Variants in NELL1 observed in about 807,000 individuals in gnomAD.
NELL1 encodes the protein neural EGFL like 1.
NELL1 carries 76 observed loss-of-function variants against 107.4 expected under a neutral mutation model. The ratio of observed to expected loss-of-function variants is 0.71; its 90% confidence interval spans 0.59 to 0.86. The LOEUF is 0.86. Among genes scored for constraint, NELL1 ranks in the 40% least tolerant of loss-of-function variants. The pLI, the probability that NELL1 is intolerant of heterozygous loss-of-function variation, is 0.00. For missense variants in NELL1, 1,024 were observed against 1,005.5 expected (o/e 1.02, Z -0.25); for synonymous variants, 353 against 341.2 (o/e 1.03, Z -0.38).
intron 16 of NELL1, among the ~76,000 whole-genome samples, chr11:21,558,108 GTGAAAGTAGTACAGGAA>G (rs1435555283): frequency 1.3e-5 from 2 of 151,896 alleles, no homozygotes; most frequent in East Asian, 3.9e-4. Context: ...CTGCGTAGGA[GTGAAAGTAGTACAGGAA>G]GGAAAGTGCT....
chr11:20,711,576 T>C (rs1017932096), intron 2 of NELL1, among the ~76,000 whole-genome samples: 1 of 152,172 alleles, frequency 6.6e-6, no homozygotes, highest in Non-Finnish European at 1.5e-5. Context: ...GCTGGCTTGG[T>C]ACTGGCAAAT....
rs554675566 is a variant in NELL1, at chr11:21,454,040, C to T, written c.1646-80334C>T. ...TGCGCTGCACCCACTAACTTGTCAT[C>T]TAGCATTAGGTATATCTCCCAATGC... On this transcript the variant is annotated intron_variant, in intron 15 of 19. Transcript: ENST00000357134. Among the ~76,000 whole-genome samples, 12 of 146,534 alleles carry T rather than the reference C, an allele frequency of 8.2e-5. No individual in the cohort carries two copies. The East Asian group carries it at 2.4e-3, about 29-fold the overall frequency.
At chr11:21,434,311 T>C (rs1250356524) in intron 15 of NELL1, among the ~76,000 whole-genome samples, 1 of 152,132 alleles carries the variant, frequency 6.6e-6, no homozygotes, top group African/African-American at 2.4e-5. Flanking sequence ...TCTAGTAGGT[T>C]TTATAGTTTC....
chr11:21,061,983 T>C (rs1853752957), intron 12 of NELL1, among the ~76,000 whole-genome samples: 1 of 152,230 alleles, frequency 6.6e-6, no homozygotes, highest in African/African-American at 2.4e-5. Context: ...TAGGCAGGAC[T>C]TGCCTCAGAC....
chr11:21,277,069 G>T (rs1465476275), intron 14 of NELL1, among the ~76,000 whole-genome samples: 2 of 151,366 alleles, frequency 1.3e-5, no homozygotes, highest in African/African-American at 4.9e-5. Flanking sequence ...AAACTAAAGA[G>T]CTTCTGCACA....
intron 14 of NELL1, among the ~76,000 whole-genome samples, chr11:21,317,175 T>A (rs1228230967): frequency 1.3e-5 from 2 of 152,038 alleles, no homozygotes; most frequent in African/African-American, 2.4e-5. Flanking sequence ...AGCCACTACA[T>A]TACTATTTCC....
intron 2 of NELL1, among the ~76,000 whole-genome samples, chr11:20,764,293 A>G (rs1049075977): frequency 1.1e-4 from 16 of 152,202 alleles, no homozygotes; most frequent in Non-Finnish European, 1.0e-4. Context: ...CATATGTGTT[A>G]CAATTATGGT....
chr11:20,992,859 C>A (rs1852006693), intron 12 of NELL1, among the ~76,000 whole-genome samples: 1 of 152,020 alleles, frequency 6.6e-6, no homozygotes, highest in Non-Finnish European at 1.5e-5. Flanking sequence ...GGATTACAGG[C>A]ATGCGCCACC....
chr11:21,349,690 G>A (rs1850759826), intron 14 of NELL1, among the ~76,000 whole-genome samples: 1 of 151,916 alleles, frequency 6.6e-6, no homozygotes, highest in Non-Finnish European at 1.5e-5. Context: ...ATTGTCTGTG[G>A]ATAGAGAGAC....
chr11:21,063,421 C>A (rs1853790872), intron 12 of NELL1, among the ~76,000 whole-genome samples: 1 of 152,146 alleles, frequency 6.6e-6, no homozygotes, highest in Non-Finnish European at 1.5e-5. Flanking sequence ...CCCCTTCTCT[C>A]CCTGGAGGTC....
intron 14 of NELL1, among the ~76,000 whole-genome samples, chr11:21,242,417 A>T (rs1858387479): frequency 6.6e-6 from 1 of 152,092 alleles, no homozygotes; most frequent in African/African-American, 2.4e-5. Context: ...CTTGCATTGA[A>T]TTGGCCAGAA....
chr11:21,398,476 C>A (rs970262848), intron 15 of NELL1, among the ~76,000 whole-genome samples: 1 of 151,582 alleles, frequency 6.6e-6, no homozygotes, highest in Admixed American at 6.6e-5. Flanking sequence ...ACACTTTTGT[C>A]TTGGTGAGAA....
Position 20,720,994 on chromosome 11 carries a change from A to C in NELL1, c.184+42934A>C, listed in dbSNP as rs530877376. 6.6e-5 allele frequency among the ~76,000 whole-genome samples: 10 copies of C among 151,952 alleles called. No individual in the cohort carries two copies. In the East Asian group the frequency reaches 1.9e-3, roughly 29 times the overall value. On this transcript the variant is annotated intron_variant, in intron 2 of 19. Transcript: ENST00000357134. ...ATGCAGCCAATAGTAACCAAGACAC[A>C]CTACTTTCTGTTTTCCAAGCTCATC... is the stretch of plus-strand genomic sequence containing the variant.
intron 15 of NELL1, among the ~76,000 whole-genome samples, chr11:21,385,083 C>G (rs1851708925): frequency 6.6e-6 from 1 of 151,918 alleles, no homozygotes; most frequent in African/African-American, 2.4e-5. Context: ...CCTCCTCAGA[C>G]AGGCCCTGAC....
intron 13 of NELL1, among the ~76,000 whole-genome samples, chr11:21,166,321 T>A (rs1856481002): frequency 6.6e-6 from 1 of 151,762 alleles, no homozygotes; most frequent in East Asian, 1.9e-4. Context: ...AGATGTAGTA[T>A]TTGCTTACAC....
At chr11:21,267,923 C>T (rs1236070421) in intron 14 of NELL1, among the ~76,000 whole-genome samples, 1 of 152,116 alleles carries the variant, frequency 6.6e-6, no homozygotes, top group East Asian at 1.9e-4. Flanking sequence ...TTCTCCATTC[C>T]TTCACTTTCA....
intron 2 of NELL1, among the ~76,000 whole-genome samples, chr11:20,754,659 G>T (rs527608327): frequency 6.6e-6 from 1 of 152,274 alleles, no homozygotes; most frequent in East Asian, 1.9e-4. Context: ...ACTAAGATAT[G>T]ACATTTTAAT....
intron 13 of NELL1, among the ~76,000 whole-genome samples, chr11:21,212,960 T>C (rs1857533279): frequency 6.6e-6 from 1 of 152,170 alleles, no homozygotes; most frequent in Non-Finnish European, 1.5e-5. Flanking sequence ...GTAGAAAATG[T>C]CAAGAAATTA....
At chr11:21,115,342 AC>A (rs2133732296) in intron 13 of NELL1, among the ~76,000 whole-genome samples, 1 of 149,516 alleles carries the variant, frequency 6.7e-6, no homozygotes, top group East Asian at 2.1e-4. Flanking sequence ...ACACACACAC[AC>A]ACACACACAC....
Sources: allele counts gnomAD v4.1 joint callset (sites outside exome capture counted in the v4.1 genomes callset), GRCh38; gene constraint gnomAD v4.1.1; transcripts MANE v1.5; gene names NCBI Gene and HGNC (gene_info 2026-07-23, HGNC 2026-07-21).